AVEN: variants seen among roughly 807,000 people sequenced by gnomAD.
AVEN encodes the protein apoptosis and caspase activation inhibitor, also known as cell death regulator Aven.
In AVEN, 41 loss-of-function variants were observed where a neutral mutation model predicts 38.1. The ratio of observed to expected loss-of-function variants is 1.08; its 90% CI spans 0.84 to 1.40. The LOEUF is 1.40. AVEN is among the 40% of genes most tolerant of loss of function. The probability of loss-of-function intolerance (pLI) is 0.00; values close to 1 mark genes in which losing one functional copy is unlikely to be tolerated. For synonymous variants in AVEN, 206 were observed against 171.8 expected (o/e 1.20, Z -1.56); for missense variants, 605 against 438.8 (o/e 1.38, Z -3.38).
chr15:33,933,636 C>T (rs1348685551), intron 2 of AVEN, among the ~76,000 whole-genome samples: 2 of 151,160 alleles, frequency 1.3e-5, no homozygotes, highest in African/African-American at 2.4e-5. Context: ...ACCCACGCAC[C>T]ATGCTAGGGC....
At chr15:33,895,099 C>T (rs1892180666) in intron 2 of AVEN, among the ~76,000 whole-genome samples, 1 of 152,050 alleles carries the variant, frequency 6.6e-6, no homozygotes, top group African/African-American at 2.4e-5. Context: ...CTCTTCCATA[C>T]CCATCTGTAG....
Position 33,889,898 on chromosome 15 carries a change from C to T in AVEN, c.446-13903G>A, listed in dbSNP as rs891304907. On this transcript the variant is annotated intron_variant, in intron 2 of 5. Coordinates refer to ENST00000306730, the MANE Select transcript of AVEN (RefSeq NM_020371.3). ...TTAGAGGGGAGACTCGAAGCTTGGT[C>T]CTGAAAATGATGTGCAAACAAATGT... Among the ~76,000 whole-genome samples the T allele has an allele frequency of 3.9e-5, 6 of 152,242 alleles. No homozygotes were observed. The East Asian group carries it at 1.2e-3, about 29-fold the overall frequency.
intron 2 of AVEN, among the ~76,000 whole-genome samples, chr15:33,894,002 T>G (rs923477619): frequency 2.1e-5 from 3 of 146,260 alleles, no homozygotes; most frequent in Admixed American, 1.4e-4. Context: ...CAGGCTGGAG[T>G]GCAATGGCGT....
rs749796523 is a variant in AVEN at position 34,063,819 on chromosome 15, G to A, written n.1127-387C>T. 7 of 1,614,212 alleles carry A rather than the reference G, an allele frequency of 4.3e-6. No individual in the cohort carries two copies. The highest frequency in any genetic ancestry group is 1.7e-5 in the Admixed American group (1 of 60,018). On this transcript the variant is annotated intron_variant and non_coding_transcript_variant, in intron 4 of 11. Transcript: ENST00000675287. This position sits in a 1 kb window ranked among gnomAD's most constrained non-coding sequence, Gnocchi z 4.1. ...AAACTACCTTCTGTCTCCAGCAGCT[G>A]CTCATAGACCCAAGAGTCAGAAATG... is the stretch of plus-strand genomic sequence containing the variant.
intron 2 of AVEN, among the ~76,000 whole-genome samples, chr15:33,879,078 T>C (rs1460292356): frequency 1.3e-5 from 2 of 152,140 alleles, no homozygotes; most frequent in African/African-American, 4.8e-5. Context: ...ATATAAATCA[T>C]GCTGCTATAA....
chr15:34,007,036 A>G (rs1294287166), intron 1 of AVEN: 6 of 981,864 alleles, frequency 6.1e-6, no homozygotes, highest in East Asian at 1.1e-4. Context: ...TTTCACTGTA[A>G]TAGTTCATAC....
intron 2 of AVEN, among the ~76,000 whole-genome samples, chr15:33,939,564 G>A (rs922092224): frequency 1.3e-5 from 2 of 152,180 alleles, no homozygotes; most frequent in Non-Finnish European, 2.9e-5. Flanking sequence ...ATCAAACTAC[G>A]AACCAGGAGA....
chr15:33,904,695 ATAT>A (rs1284203826), intron 2 of AVEN, among the ~76,000 whole-genome samples: 3 of 121,344 alleles, frequency 2.5e-5, no homozygotes, highest in African/African-American at 8.8e-5. Flanking sequence ...AAAAAAAAAA[ATAT>A]ATATATATAT....
intron 1 of AVEN, among the ~76,000 whole-genome samples, chr15:34,028,910 T>C (rs1898627629): frequency 1.3e-5 from 2 of 151,620 alleles, no homozygotes. Flanking sequence ...AAAAAAAAAA[T>C]TGGGAGAGAA....
At chr15:33,857,110 C>T (rs75210815), downstream of AVEN, among the ~76,000 whole-genome samples, 2,225 of 152,294 alleles carry the variant, frequency 0.015, 68 homozygotes, top group African/African-American at 0.048. Context: ...ATTTTACTTA[C>T]GCCCAATCTA....
Position 34,064,433 on chromosome 15 carries a change from A to T in AVEN, n.1127-1001T>A. 2.3e-6 allele frequency: 3 copies of T among 1,290,938 alleles called. No individual in the cohort carries two copies. The East Asian group carries it at 7.6e-5, about 33-fold the overall frequency. The allele number at this position is 1,290,938 out of a possible 1,614,324, so 80.0% of individuals were successfully genotyped here. A position where few individuals can be genotyped will look rare whatever the true frequency, so the allele number is the denominator to read the frequency against. ...GAAGACATCTCATTTTGAGTCCTTG[A>T]AGATTTTTGTAAAGGCTCAAGTTTG... On this transcript the variant is annotated intron_variant and non_coding_transcript_variant, in intron 4 of 11. Transcript: ENST00000675287.
the AVEN span, chr15:33,852,807 G>A: frequency 2.4e-6 from 1 of 418,482 alleles, no homozygotes. Context: ...TAATTCTGAG[G>A]CAGAAACTGC....
At chr15:33,859,494 G>T in intron 11 of AVEN, 1 of 1,521,174 alleles carries the variant, frequency 6.6e-7, no homozygotes, top group South Asian at 1.2e-5. Flanking sequence ...CAATCTGACC[G>T]AATCATATGA....
intron 2 of AVEN, among the ~76,000 whole-genome samples, chr15:33,939,741 C>A (rs1894241516): frequency 6.6e-6 from 1 of 152,108 alleles, no homozygotes; most frequent in African/African-American, 2.4e-5. Flanking sequence ...TGCTTGTGTT[C>A]CCCCAAAACT....
At chr15:34,007,939 T>G (rs1462997155) in intron 1 of AVEN, among the ~76,000 whole-genome samples, 2 of 152,306 alleles carry the variant, frequency 1.3e-5, no homozygotes, top group African/African-American at 4.8e-5. Flanking sequence ...TCCATTCTTA[T>G]GAGGACATGA....
At chr15:33,963,011 G>A (rs1459684212) in intron 2 of AVEN, among the ~76,000 whole-genome samples, 1 of 151,120 alleles carries the variant, frequency 6.6e-6, no homozygotes, top group Non-Finnish European at 1.5e-5. Context: ...CAAAATTGTG[G>A]CCTTCCTAAC....
intron 2 of AVEN, among the ~76,000 whole-genome samples, chr15:33,989,037 C>T (rs1041186226): frequency 7.5e-6 from 1 of 133,974 alleles, no homozygotes; most frequent in Non-Finnish European, 1.6e-5. Context: ...GCTTAGCATC[C>T]TAAACCTTTC....
chr15:33,981,065 A>G (rs946248129), intron 2 of AVEN, among the ~76,000 whole-genome samples: 1 of 134,888 alleles, frequency 7.4e-6, no homozygotes, highest in Non-Finnish European at 1.7e-5. Context: ...TAAACATACA[A>G]TCACAACTTG....
At chr15:33,864,008 C>T (rs545341097), downstream of AVEN, 534 of 630,366 alleles carry the variant, frequency 8.5e-4, 6 homozygotes, top group South Asian at 7.6e-3. Context: ...TGCCACACTT[C>T]CCTGATCATT....
Sources: gnomAD v4.1 joint callset for allele counts (sites outside exome capture counted in the v4.1 genomes callset) on GRCh38, gnomAD v4.1.1 for gene constraint, Gnocchi (gnomAD v3.1) non-coding constraint, MANE v1.5 for transcripts, NCBI Gene and HGNC (gene_info 2026-07-23, HGNC 2026-07-21) for gene names.